The following RYR2 variants were observed in gnomAD, a reference collection of about 807,000 sequenced individuals.
The protein encoded by RYR2 is cardiac muscle ryanodine receptor-calcium release channel.
Under a neutral mutation model 601.1 loss-of-function variants are expected in RYR2, and 227 were observed. That is an observed-to-expected ratio of 0.38 (90% confidence interval 0.34 to 0.42). RYR2 has a LOEUF of 0.42. Among genes scored for constraint, RYR2 ranks in the 10% least tolerant of loss-of-function variants. The pLI is 1.00. For synonymous variants in RYR2, 2,223 were observed against 2,175.1 expected (o/e 1.02, Z -0.61); for missense variants, 4,646 against 6,156.5 (o/e 0.75, Z 8.21).
intron 3 of RYR2, among the ~76,000 whole-genome samples, chr1:237,352,016 T>A (rs1355689903): frequency 1.3e-5 from 2 of 151,514 alleles, no homozygotes; most frequent in African/African-American, 4.9e-5. Flanking sequence ...CCAATTATTG[T>A]CACTTACCTT....
rs1041481968 is a variant in RYR2, at chr1:237,805,224, G to A, written c.14152-913G>A. On this transcript the variant is annotated intron_variant, in intron 98 of 104. Coordinates refer to ENST00000366574, the MANE Select transcript of RYR2 (RefSeq NM_001035.3). ...AAGGAGGATGACACTGACCTTTTCA[G>A]AACAAATTAAGTAAAAATAAAATTC... Among the ~76,000 whole-genome samples, 7 of 152,176 alleles carry A rather than the reference G, an allele frequency of 4.6e-5. No homozygotes were observed. The East Asian group carries it at 1.2e-3, about 25-fold the overall frequency.
chr1:237,486,948 G>T (rs1447885003), intron 17 of RYR2, among the ~76,000 whole-genome samples: 1 of 151,944 alleles, frequency 6.6e-6, no homozygotes, highest in East Asian at 1.9e-4. Context: ...ATATTTCTAT[G>T]ATGTTAAAAG....
intron 2 of RYR2, among the ~76,000 whole-genome samples, chr1:237,323,618 A>C (rs943869918): frequency 6.6e-6 from 1 of 152,224 alleles, no homozygotes; most frequent in Non-Finnish European, 1.5e-5. Flanking sequence ...CAAGGAGCAA[A>C]ATGAACACCG....
chr1:237,456,792 A>G (rs891018144), intron 16 of RYR2, 57 bp downstream of exon 16: 3 of 1,587,072 alleles, frequency 1.9e-6, no homozygotes, highest in Non-Finnish European at 2.6e-6. Context: ...ATGTCCATAA[A>G]TGGACTAGGT....
intron 3 of RYR2, chr1:237,341,772 C>CT (rs1697821206): frequency 1.4e-5 from 6 of 435,932 alleles, no homozygotes; most frequent in South Asian, 9.8e-5. Flanking sequence ...TATGATAGAG[C>CT]TTTTTTGTCT....
chr1:237,303,245 G>A (rs1364634205), intron 2 of RYR2, among the ~76,000 whole-genome samples: 3 of 144,676 alleles, frequency 2.1e-5, no homozygotes, highest in African/African-American at 7.7e-5. Context: ...AAGGGTATAT[G>A]TGTTAATAAT....
chr1:237,563,125 G>A (rs1271139427), intron 27 of RYR2, among the ~76,000 whole-genome samples: 2 of 151,910 alleles, frequency 1.3e-5, no homozygotes, highest in Non-Finnish European at 2.9e-5. Context: ...ATATACTATG[G>A]GGCAGGGCAC....
intron 10 of RYR2, among the ~76,000 whole-genome samples, chr1:237,397,244 A>G (rs985946321): frequency 6.6e-5 from 10 of 152,250 alleles, no homozygotes; most frequent in African/African-American, 2.2e-4. Flanking sequence ...TCAAAAAAAA[A>G]AAAGAAAGAA....
intron 4 of RYR2, among the ~76,000 whole-genome samples, chr1:237,363,026 C>T (rs1699907323): frequency 1.3e-5 from 2 of 151,388 alleles, no homozygotes; most frequent in African/African-American, 2.4e-5. Context: ...ACTTAGATAC[C>T]TGACAAAATC....
intron 1 of RYR2, among the ~76,000 whole-genome samples, chr1:237,245,851 G>A (rs1022360244): frequency 1.3e-5 from 2 of 151,958 alleles, no homozygotes; most frequent in Non-Finnish European, 2.9e-5. Context: ...GCACAATCTC[G>A]GCTCATTGTA....
chr1:237,736,530 G>A (rs575639749), intron 79 of RYR2, among the ~76,000 whole-genome samples: 2 of 152,166 alleles, frequency 1.3e-5, no homozygotes, highest in South Asian at 2.1e-4. Flanking sequence ...CAGGATAATG[G>A]GAGGTTGGAA....
chr1:237,106,932 C>T lies in RYR2; in HGVS notation c.48+64363C>T, dbSNP rs771019501. On this transcript the variant is annotated intron_variant, in intron 1 of 104. Coordinates refer to ENST00000366574, the MANE Select transcript of RYR2 (RefSeq NM_001035.3). The surrounding 1 kb of genome is among the most constrained non-coding windows in gnomAD (Gnocchi z 4.4). ...GGGCAGTAATCACCTCCCAAGGCCC[C>T]GCCTCCTAATGCCATTACATTTGGG... Among the ~76,000 whole-genome samples the T allele has an allele frequency of 5.9e-5, 9 of 152,208 alleles. No homozygotes were observed. Among genetic ancestry groups the T allele is most frequent in the South Asian group, 4.1e-4 (2 of 4,828 alleles).
chr1:237,454,383 T>A lies in RYR2; in HGVS notation c.1293-8T>A, dbSNP rs1658549329. ...TGACAATAGAGAAATGTTTATGGTT[T>A]ATTTTAGGGGCCTTGATGCTCTCAG... On this transcript the variant is annotated splice_region_variant and splice_polypyrimidine_tract_variant and intron_variant, in intron 14 of 104. Coordinates refer to ENST00000366574, the MANE Select transcript of RYR2 (RefSeq NM_001035.3). The A allele has an allele frequency of 6.3e-7, 1 of 1,584,198 alleles. No individual in the cohort carries two copies. The highest frequency in any genetic ancestry group is 1.4e-5 in the African/African-American group (1 of 73,194).
chr1:237,668,016 A>G, intron 58 of RYR2, 58 bp downstream of exon 58: 3 of 1,348,140 alleles, frequency 2.2e-6, no homozygotes, highest in Non-Finnish European at 3.1e-6. Flanking sequence ...CCATGAGTGT[A>G]TGGATGAAGT....
rs557568066 is a variant in RYR2, at chr1:237,518,566, C to A, written c.2822+6775C>A. Among the ~76,000 whole-genome samples the A allele has an allele frequency of 5.3e-5, 8 of 152,250 alleles. No individual in the cohort carries two copies. In the East Asian group the frequency reaches 1.3e-3, roughly 26 times the overall value. On this transcript the variant is annotated intron_variant, in intron 24 of 104. Transcript: ENST00000366574. ...TTAAAATAATGACCCCAGTTCTAAT[C>A]ATGTTGCTACAAAATACATGATTTC... is the stretch of plus-strand genomic sequence containing the variant.
Position 237,792,382 on chromosome 1 carries a change from C to T in RYR2, c.13782+59C>T, listed in dbSNP as rs12739270. 26,437 of 653,552 alleles carry T rather than the reference C, an allele frequency of 0.04. 363 individuals carry two copies. Among genetic ancestry groups the T allele is most frequent in the African/African-American group, 0.072 (2,979 of 41,646 alleles). 40.5% of individuals were successfully genotyped at this position (653,552 alleles called of 1,614,324 possible). On this transcript the variant is annotated intron_variant, in intron 94 of 104. Coordinates refer to ENST00000366574, the MANE Select transcript of RYR2 (RefSeq NM_001035.3). Reference sequence around the variant, plus strand: ...GTGTGTGTGTGTGTGTGTGTGTGTGCGTGTGTGTGTGTGTGCGTGTGTGTG... The same window carrying T: ...GTGTGTGTGTGTGTGTGTGTGTGTGTGTGTGTGTGTGTGTGCGTGTGTGTG...
At chr1:237,214,386 CA>C (rs1296154602) in intron 1 of RYR2, among the ~76,000 whole-genome samples, 6 of 152,146 alleles carry the variant, frequency 3.9e-5, no homozygotes, top group Admixed American at 1.3e-4. Context: ...ATGACACCAG[CA>C]TTTGTCTCTG....
intron 35 of RYR2, among the ~76,000 whole-genome samples, chr1:237,609,447 G>A (rs1677566134): frequency 6.8e-6 from 1 of 146,076 alleles, no homozygotes; most frequent in Non-Finnish European, 1.5e-5. Flanking sequence ...TCAGCTCACT[G>A]CAACCTCCGC....
chr1:237,320,217 A>C (rs1695498627), intron 2 of RYR2, among the ~76,000 whole-genome samples: 1 of 152,152 alleles, frequency 6.6e-6, no homozygotes, highest in Non-Finnish European at 1.5e-5. Context: ...CAACCTTCTC[A>C]CTTGGTCATG....
Sources: gnomAD v4.1 joint callset for allele counts (sites outside exome capture counted in the v4.1 genomes callset) on GRCh38, gnomAD v4.1.1 for gene constraint, Gnocchi (gnomAD v3.1) non-coding constraint, MANE v1.5 for transcripts, NCBI Gene and HGNC (gene_info 2026-07-23, HGNC 2026-07-21) for gene names.